Variants in MARCHF5 observed in about 807,000 individuals in gnomAD.
MARCHF5 encodes the protein membrane associated ring-CH-type finger 5.
In MARCHF5, 5 loss-of-function variants were observed where a neutral mutation model predicts 36.5. The ratio of observed to expected loss-of-function variants is 0.14; its 90% CI spans 0.07 to 0.29. The LOEUF (loss-of-function observed/expected upper bound fraction) is 0.29, where lower values mean the gene tolerates loss of function less well. Ranked by LOEUF, MARCHF5 falls within the 10% of genes least tolerant of loss-of-function variation. The pLI is 1.00. For missense variants in MARCHF5, 179 were observed against 336.3 expected, an observed-to-expected ratio of 0.53 and a Z score of 3.66; for synonymous variants, 103 against 109.9, an observed-to-expected ratio of 0.94 and a Z score of 0.39.
At chr10:92,317,984 C>CA (rs1296996018) in intron 2 of MARCHF5, among the ~76,000 whole-genome samples, 1 of 152,138 alleles carries the variant, frequency 6.6e-6, no homozygotes, top group Non-Finnish European at 1.5e-5. Context: ...CTCCTGACCT[C>CA]AGGTGATCCA....
intron 2 of MARCHF5, among the ~76,000 whole-genome samples, chr10:92,316,812 C>A (rs1843216184): frequency 1.3e-5 from 2 of 152,064 alleles, no homozygotes; most frequent in African/African-American, 2.4e-5. Flanking sequence ...CCTCCCAAAC[C>A]CCGTTGGCCT....
intron 1 of MARCHF5, among the ~76,000 whole-genome samples, chr10:92,295,015 CAG>C (rs1182361892): frequency 6.6e-6 from 1 of 152,080 alleles, no homozygotes; most frequent in African/African-American, 2.4e-5. Flanking sequence ...GCCCAGGTAA[CAG>C]AGCAAGACCC....
At chr10:92,331,309 C>T (rs556498361) in intron 2 of MARCHF5, among the ~76,000 whole-genome samples, 1 of 152,024 alleles carries the variant, frequency 6.6e-6, no homozygotes, top group South Asian at 2.1e-4. Flanking sequence ...TTTTCTTCTT[C>T]ACTTGGAATT....
intron 1 of MARCHF5, among the ~76,000 whole-genome samples, chr10:92,304,801 C>T (rs537297519): frequency 9.9e-5 from 15 of 152,216 alleles, no homozygotes; most frequent in African/African-American, 2.9e-4. Context: ...CCGATCCCCA[C>T]CCCCTAAGTT....
Position 92,351,294 on chromosome 10 carries a change from C to A in MARCHF5, c.*87C>A. On this transcript the variant is annotated 3_prime_UTR_variant, in exon 6 of 6. Transcript: ENST00000358935. ...TCCATCATTAATGCACTTGTGGAGA[C>A]TTGTGATAAGCTGCTGCTCCTATAT... 1.3e-6 allele frequency: 1 copy of A among 792,226 alleles called. No homozygotes were observed. Among genetic ancestry groups the A allele is most frequent in the Non-Finnish European group, 2.1e-6 (1 of 474,300 alleles). The allele number at this position is 792,226 out of a possible 1,614,324, so 49.1% of individuals were successfully genotyped here.
chr10:92,335,317 G>A (rs1564951851), intron 2 of MARCHF5, among the ~76,000 whole-genome samples: 1 of 152,136 alleles, frequency 6.6e-6, no homozygotes, highest in African/African-American at 2.4e-5. Context: ...AAACTTCATA[G>A]GAAGAGTATG....
chr10:92,310,526 C>CG (rs1843132380), intron 1 of MARCHF5, among the ~76,000 whole-genome samples: 1 of 151,946 alleles, frequency 6.6e-6, no homozygotes, highest in Non-Finnish European at 1.5e-5. Flanking sequence ...CAAGCATACA[C>CG]GCCCAAATTT....
chr10:92,312,791 G>A (rs569280368), intron 2 of MARCHF5, among the ~76,000 whole-genome samples: 1 of 152,352 alleles, frequency 6.6e-6, no homozygotes, highest in East Asian at 1.9e-4. Context: ...GTTGACAAGT[G>A]TATGGCACTC....
intron 3 of MARCHF5, among the ~76,000 whole-genome samples, chr10:92,347,799 T>TTA (rs1443282478): frequency 6.6e-6 from 1 of 152,210 alleles, no homozygotes; most frequent in Non-Finnish European, 1.5e-5. Flanking sequence ...TCCTGCCCTT[T>TTA]AATATTACAT....
At chr10:92,308,798 G>A (rs1269665555) in intron 1 of MARCHF5, among the ~76,000 whole-genome samples, 2 of 151,338 alleles carry the variant, frequency 1.3e-5, no homozygotes, top group African/African-American at 2.4e-5. Flanking sequence ...TCCGCCTCCC[G>A]GGTTCACGCC....
intron 1 of MARCHF5, among the ~76,000 whole-genome samples, chr10:92,298,751 C>T (rs999498505): frequency 1.3e-5 from 2 of 152,112 alleles, no homozygotes; most frequent in Non-Finnish European, 1.5e-5. Context: ...TTAGTAGAGA[C>T]GGGCTTTCGC....
intron 2 of MARCHF5, among the ~76,000 whole-genome samples, chr10:92,314,267 A>AT (rs1250495578): frequency 6.6e-5 from 10 of 152,154 alleles, no homozygotes; most frequent in African/African-American, 2.2e-4. Context: ...GCTGGTCACT[A>AT]TACTGTCTGT....
chr10:92,336,589 A>G (rs866507637), intron 2 of MARCHF5, among the ~76,000 whole-genome samples: 2 of 152,034 alleles, frequency 1.3e-5, no homozygotes, highest in Non-Finnish European at 2.9e-5. Context: ...AAGGTAATCA[A>G]ATGGGGAGTG....
chr10:92,329,395 A>AGGG (rs529338475), intron 2 of MARCHF5, among the ~76,000 whole-genome samples: 67 of 152,334 alleles, frequency 4.4e-4, no homozygotes, highest in South Asian at 2.5e-3. Flanking sequence ...AGATTGTAAA[A>AGGG]GGGTACTATA....
chr10:92,307,235 C>T (rs1337629333), intron 1 of MARCHF5, among the ~76,000 whole-genome samples: 3 of 147,340 alleles, frequency 2.0e-5, no homozygotes, highest in Non-Finnish European at 4.5e-5. Flanking sequence ...ACGCACGTGC[C>T]CTCCCCTCCT....
intron 3 of MARCHF5, among the ~76,000 whole-genome samples, chr10:92,341,708 T>C (rs1843579887): frequency 6.6e-6 from 1 of 152,088 alleles, no homozygotes. Context: ...CTTCTTCCAT[T>C]TGAAACCTAA....
At chr10:92,322,163 G>A (rs1386058077) in intron 2 of MARCHF5, among the ~76,000 whole-genome samples, 1 of 130,716 alleles carries the variant, frequency 7.7e-6, no homozygotes, top group African/African-American at 2.8e-5. Context: ...AGAATCACTT[G>A]AACCCAGGAG....
intron 1 of MARCHF5, among the ~76,000 whole-genome samples, chr10:92,296,181 A>G (rs932468436): frequency 5.9e-5 from 9 of 151,912 alleles, no homozygotes; most frequent in African/African-American, 2.2e-4. Flanking sequence ...GACCATATGG[A>G]TATATATTCT....
In MARCHF5 at chr10:92,349,551, G is replaced by T; in HGVS notation, c.553+19G>T. 1 of 1,606,980 alleles carries T rather than the reference G, an allele frequency of 6.2e-7. No individual in the cohort carries two copies. Among genetic ancestry groups the T allele is most frequent in the East Asian group, 2.2e-5 (1 of 44,816 alleles). ...TTTCCAGGTAAGGCACTGAACTGTG[G>T]TTGTAAAGTGCATACCAAATTGATC... On this transcript the variant is annotated intron_variant, in intron 4 of 5. Coordinates refer to ENST00000358935, the MANE Select transcript of MARCHF5 (RefSeq NM_017824.5).
Sources: allele counts gnomAD v4.1 joint callset (sites outside exome capture counted in the v4.1 genomes callset), GRCh38; gene constraint gnomAD v4.1.1; transcripts MANE v1.5; gene names NCBI Gene and HGNC (gene_info 2026-07-23, HGNC 2026-07-21).